Variants in ELMO1 observed in about 807,000 individuals in gnomAD.
The protein encoded by ELMO1 is engulfment and cell motility protein 1.
ELMO1 carries 26 observed loss-of-function variants against 98.9 expected under a neutral mutation model. That is an observed-to-expected ratio of 0.26 (90% confidence interval 0.19 to 0.36). The LOEUF is 0.36. Ranked by LOEUF, ELMO1 falls within the 10% of genes least tolerant of loss-of-function variation. The probability of loss-of-function intolerance (pLI) is 1.00; values close to 1 mark genes in which losing one functional copy is unlikely to be tolerated. For synonymous variants in ELMO1, 346 were observed against 346.0 expected (o/e 1.00, Z 0.00); for missense variants, 627 against 935.2 (o/e 0.67, Z 4.30).
At chr7:37,199,413 T>C (rs1225357509) in intron 13 of ELMO1, among the ~76,000 whole-genome samples, 1 of 152,170 alleles carries the variant, frequency 6.6e-6, no homozygotes, top group Non-Finnish European at 1.5e-5. Context: ...TGAGCCATGA[T>C]GATGCCACTG....
chr7:36,956,605 G>T (rs575709760), intron 16 of ELMO1, among the ~76,000 whole-genome samples: 1 of 152,144 alleles, frequency 6.6e-6, no homozygotes, highest in African/African-American at 2.4e-5. Context: ...GCACCCAGGC[G>T]TACAAGAAAA....
chr7:36,922,347 C>CAAAAAAA (rs750588423), intron 16 of ELMO1, among the ~76,000 whole-genome samples: 6 of 85,560 alleles, frequency 7.0e-5, no homozygotes, highest in East Asian at 3.2e-4. Context: ...CACAGACTTG[C>CAAAAAAA]AAAAAAAAAA....
chr7:37,167,124 C>G (rs4720240), intron 13 of ELMO1, among the ~76,000 whole-genome samples: 2,039 of 152,036 alleles, frequency 0.013, 43 homozygotes, highest in East Asian at 0.044. Context: ...ATCTTTGTTG[C>G]TTTAAAGTCT....
At chr7:36,900,936 C>A (rs913482642) in intron 16 of ELMO1, among the ~76,000 whole-genome samples, 2 of 152,158 alleles carry the variant, frequency 1.3e-5, no homozygotes, top group African/African-American at 4.8e-5. Context: ...GCAGAGGGGT[C>A]TGGGGGAAGA....
At chr7:37,135,576 C>A (rs1233132721) in intron 13 of ELMO1, among the ~76,000 whole-genome samples, 1 of 152,148 alleles carries the variant, frequency 6.6e-6, no homozygotes, top group Non-Finnish European at 1.5e-5. Context: ...TTGCCAGTAC[C>A]AGCATGGAGC....
intron 13 of ELMO1, among the ~76,000 whole-genome samples, chr7:37,161,159 T>C (rs1427514576): frequency 6.6e-6 from 1 of 152,172 alleles, no homozygotes; most frequent in Non-Finnish European, 1.5e-5. Context: ...GGCGTCAGCA[T>C]TCTCCACTAC....
At chr7:36,906,112 C>T (rs1048385400) in intron 16 of ELMO1, among the ~76,000 whole-genome samples, 18 of 152,352 alleles carry the variant, frequency 1.2e-4, no homozygotes, top group Non-Finnish European at 4.4e-5. Flanking sequence ...GCTCTGCCAT[C>T]AGGCAAGGCT....
chr7:37,305,765 TGA>T (rs1798581582), intron 4 of ELMO1, among the ~76,000 whole-genome samples: 1 of 152,190 alleles, frequency 6.6e-6, no homozygotes, highest in Admixed American at 6.5e-5. Context: ...CAGAACCACG[TGA>T]GACACAGAGC....
chr7:37,316,180 T>C (rs532477392), intron 2 of ELMO1, among the ~76,000 whole-genome samples: 1 of 152,364 alleles, frequency 6.6e-6, no homozygotes, highest in South Asian at 2.1e-4. Flanking sequence ...TCCTTTTTTC[T>C]ATACTTAGCA....
chr7:36,975,455 G>C (rs577010087), intron 16 of ELMO1, among the ~76,000 whole-genome samples: 85 of 152,190 alleles, frequency 5.6e-4, no homozygotes, highest in Non-Finnish European at 1.0e-3. Flanking sequence ...CTGGGTGACA[G>C]AGCAAGTCTC....
intron 15 of ELMO1, among the ~76,000 whole-genome samples, chr7:37,037,136 C>T (rs753150200): frequency 5.9e-5 from 9 of 152,102 alleles, no homozygotes; most frequent in African/African-American, 1.2e-4. Context: ...TTTCCAGATC[C>T]ACTAGTTAAA....
intron 1 of ELMO1, among the ~76,000 whole-genome samples, chr7:37,411,829 C>T (rs950676268): frequency 3.9e-5 from 6 of 152,196 alleles, no homozygotes; most frequent in African/African-American, 1.2e-4. Flanking sequence ...CCAGCAGGAA[C>T]GTCATGTCAG....
intron 7 of ELMO1, among the ~76,000 whole-genome samples, chr7:37,235,708 G>GC (rs757479795): frequency 6.6e-6 from 1 of 152,234 alleles, no homozygotes; most frequent in Non-Finnish European, 1.5e-5. Flanking sequence ...TGAGGCAGGC[G>GC]CATCACCTGA....
chr7:36,917,834 TGTCTA>T lies in ELMO1; in HGVS notation c.1438-22822_1438-22818del, dbSNP rs1220747260. On this transcript the variant is annotated intron_variant, in intron 16 of 21. Coordinates refer to ENST00000310758, the MANE Select transcript of ELMO1 (RefSeq NM_014800.11). ...TTCTCTGTGGTAGCAGGGAGCTGAGTGTCTATCAACTGGGGAAGATATAAACAAAA... is the reference window on the plus strand; with the variant it reads ...TTCTCTGTGGTAGCAGGGAGCTGAGTTCAACTGGGGAAGATATAAACAAAA... 2.0e-5 allele frequency among the ~76,000 whole-genome samples: 3 copies of T among 152,194 alleles called. No homozygotes were observed. The East Asian group carries it at 5.8e-4, about 29-fold the overall frequency.
chr7:37,442,830 T>G (rs1036044662), intron 1 of ELMO1, among the ~76,000 whole-genome samples: 2 of 152,184 alleles, frequency 1.3e-5, no homozygotes, highest in African/African-American at 4.8e-5. Context: ...CCACATGGCA[T>G]CCTGGCCTCA....
At chr7:37,114,086 T>C (rs1413369209) in intron 14 of ELMO1, among the ~76,000 whole-genome samples, 1 of 152,230 alleles carries the variant, frequency 6.6e-6, no homozygotes, top group East Asian at 1.9e-4. Flanking sequence ...CTGCAGAGCC[T>C]TGAGAGCTGT....
At chr7:36,972,736 G>A (rs144737008) in intron 16 of ELMO1, among the ~76,000 whole-genome samples, 4 of 152,138 alleles carry the variant, frequency 2.6e-5, no homozygotes, top group African/African-American at 9.7e-5. Context: ...GGGAACTTTC[G>A]GAGGTTAGGA....
intron 1 of ELMO1, among the ~76,000 whole-genome samples, chr7:37,344,914 A>G (rs186802730): frequency 4.6e-5 from 7 of 152,342 alleles, no homozygotes; most frequent in Non-Finnish European, 8.8e-5. Context: ...AAACATGTGC[A>G]TTTGGTCCTT....
chr7:37,166,954 T>C (rs553107621), intron 13 of ELMO1, among the ~76,000 whole-genome samples: 3 of 152,028 alleles, frequency 2.0e-5, no homozygotes, highest in African/African-American at 7.3e-5. Context: ...AGTCTCCCAT[T>C]ATTAATGTGT....
Sources: allele counts gnomAD v4.1 joint callset (sites outside exome capture counted in the v4.1 genomes callset), GRCh38; gene constraint gnomAD v4.1.1; transcripts MANE v1.5; gene names NCBI Gene and HGNC (gene_info 2026-07-23, HGNC 2026-07-21).